The following ATG14 variants were observed in gnomAD, a reference collection of about 807,000 sequenced individuals.
ATG14 encodes the protein autophagy related 14.
A neutral mutation model predicts 60.4 loss-of-function variants in ATG14; 35 were observed. That is an observed-to-expected ratio of 0.58 (90% confidence interval 0.44 to 0.77). The LOEUF (loss-of-function observed/expected upper bound fraction) is 0.77. Ranked by LOEUF, ATG14 falls within the 30% of genes least tolerant of loss-of-function variation. ATG14 has a pLI of 0.00. For missense variants in ATG14, 647 were observed against 626.3 expected (o/e 1.03, Z -0.35); for synonymous variants, 234 against 228.8 (o/e 1.02, Z -0.21).
chr14:55,385,702 C>T (rs980739100), intron 5 of ATG14, among the ~76,000 whole-genome samples, 157 bp downstream of exon 5: 14 of 152,330 alleles, frequency 9.2e-5, no homozygotes, highest in South Asian at 4.1e-4. Flanking sequence ...CAGCTTTCTG[C>T]GGTGCGTACT....
intron 9 of ATG14, among the ~76,000 whole-genome samples, chr14:55,371,616 A>G (rs1286545553): frequency 6.6e-6 from 1 of 152,030 alleles, no homozygotes; most frequent in Non-Finnish European, 1.5e-5. Context: ...ACCATTGGCT[A>G]ACACAGTGAA....
At chr14:55,405,553 G>A (rs964248374) in intron 1 of ATG14, among the ~76,000 whole-genome samples, 1 of 152,136 alleles carries the variant, frequency 6.6e-6, no homozygotes, top group African/African-American at 2.4e-5. Context: ...ATTTCCCCAG[G>A]TATCCTTAGA....
Position 55,399,618 on chromosome 14 carries a change from T to C in ATG14, c.222-2184A>G, listed in dbSNP as rs959452362. ...GAATTCTTGGACCTATCACTTGTTATATGCTTCTGTTTCCTTGTATCAAAA... is the reference window on the plus strand; with the variant it reads ...GAATTCTTGGACCTATCACTTGTTACATGCTTCTGTTTCCTTGTATCAAAA... On this transcript the variant is annotated intron_variant, in intron 1 of 9. Coordinates refer to ENST00000247178, the MANE Select transcript of ATG14 (RefSeq NM_014924.5). Among the ~76,000 whole-genome samples, 4 of 152,254 alleles carry C rather than the reference T, an allele frequency of 2.6e-5. No individual in the cohort carries two copies. In the East Asian group the frequency reaches 5.8e-4, roughly 22 times the overall value.
In ATG14 at chr14:55,369,141, A is replaced by G. The variant is rs1884751959; in HGVS notation, c.*478T>C. On this transcript the variant is annotated 3_prime_UTR_variant, in exon 10 of 10. Coordinates refer to ENST00000247178, the MANE Select transcript of ATG14 (RefSeq NM_014924.5). ...GCCTGCTGGTTCTCATACAAAAAACAATGGCAGAAAAACTCTTATTAAAGA... is the reference window on the plus strand; with the variant it reads ...GCCTGCTGGTTCTCATACAAAAAACGATGGCAGAAAAACTCTTATTAAAGA... 1 of 152,792 alleles carries G rather than the reference A, an allele frequency of 6.5e-6. No homozygotes were observed. Among genetic ancestry groups the G allele is most frequent in the Non-Finnish European group, 1.5e-5 (1 of 68,138 alleles). The allele number at this position is 152,792 out of a possible 1,614,324, so 9.5% of individuals were successfully genotyped here. A position where few individuals can be genotyped will look rare whatever the true frequency, so the allele number is the denominator to read the frequency against.
chr14:55,411,566 G>A, intron 1 of ATG14, 36 bp downstream of exon 1: 3 of 1,570,864 alleles, frequency 1.9e-6, no homozygotes, highest in Non-Finnish European at 2.6e-6. Context: ...AGGACACACA[G>A]CAGAAGAAAC....
intron 7 of ATG14, among the ~76,000 whole-genome samples, chr14:55,378,416 C>CA (rs554566708): frequency 2.3e-4 from 35 of 152,212 alleles, no homozygotes; most frequent in Non-Finnish European, 4.6e-4. Context: ...TACAGAAAGG[C>CA]AAACTATACA....
intron 1 of ATG14, among the ~76,000 whole-genome samples, chr14:55,401,751 C>T (rs1318936674): frequency 6.6e-6 from 1 of 152,124 alleles, no homozygotes; most frequent in East Asian, 1.9e-4. Context: ...TCGCACACAG[C>T]CCCAGTGGCA....
At chr14:55,407,486 C>A in intron 1 of ATG14, among the ~76,000 whole-genome samples, 1 of 152,162 alleles carries the variant, frequency 6.6e-6, no homozygotes. Flanking sequence ...GCTAATCTCG[C>A]TCTCCTGGCC....
At chr14:55,388,282 T>C (rs1800667018) in intron 4 of ATG14, among the ~76,000 whole-genome samples, 1 of 152,222 alleles carries the variant, frequency 6.6e-6, no homozygotes, top group South Asian at 2.1e-4. Flanking sequence ...TATCCAGCCA[T>C]GATTCTGAGT....
chr14:55,403,519 A>C (rs114865715), intron 1 of ATG14, among the ~76,000 whole-genome samples: 2,100 of 152,308 alleles, frequency 0.014, 57 homozygotes, highest in African/African-American at 0.048. Context: ...AAACAGAAAA[A>C]TAAAAGGGAT....
In ATG14 at chr14:55,393,858, A is replaced by G. The variant is rs138641670; in HGVS notation, c.327+2082T>C. Among the ~76,000 whole-genome samples, 776 of 151,994 alleles carry G rather than the reference A, an allele frequency of 5.1e-3. 6 individuals are homozygous for G. The highest frequency in any genetic ancestry group is 0.018 in the African/African-American group (725 of 41,418). On this transcript the variant is annotated intron_variant, in intron 3 of 9. Coordinates refer to ENST00000247178, the MANE Select transcript of ATG14 (RefSeq NM_014924.5). ...CACCACCACACCCAGCGCAGATTTT[A>G]TAAGAGTATATTTATATTTAAAATA... is the stretch of plus-strand genomic sequence containing the variant.
At chr14:55,407,479 A>C (rs77093821) in intron 1 of ATG14, among the ~76,000 whole-genome samples, 2,022 of 152,232 alleles carry the variant, frequency 0.013, 58 homozygotes, top group African/African-American at 0.046. Context: ...TGGCCAGGCT[A>C]ATCTCGCTCT....
intron 1 of ATG14, among the ~76,000 whole-genome samples, chr14:55,408,316 G>A (rs78811976): frequency 0.057 from 8,647 of 152,196 alleles, 322 homozygotes; most frequent in South Asian, 0.083. Flanking sequence ...CTAGTTAGGC[G>A]TGTTGATGTG....
intron 3 of ATG14, among the ~76,000 whole-genome samples, chr14:55,394,627 C>A (rs967591397): frequency 2.0e-5 from 3 of 152,162 alleles, no homozygotes; most frequent in African/African-American, 4.8e-5. Context: ...GAAAACAGGA[C>A]TACCACGACC....
Position 55,397,406 on chromosome 14 carries a change from G to A in ATG14, c.250C>T (p.Arg84Ter), listed in dbSNP as rs1885330711. ...RFIDKKERLS[R>*]LKSKQEEFQK... Reference sequence around the variant, plus strand: ...AATTCTTCTTGCTTGCTCTTAAGTCGGCTTAACCTTTCCTTCTTGTCGATA... The same window carrying A: ...AATTCTTCTTGCTTGCTCTTAAGTCAGCTTAACCTTTCCTTCTTGTCGATA... Residue 84 changes from arginine (R) to a stop codon, truncating the protein, a stop_gained, in exon 2 of 10, where the codon CGA becomes TGA. Coordinates refer to ENST00000247178, the MANE Select transcript of ATG14 (RefSeq NM_014924.5). LOFTEE classifies it high-confidence loss of function. 2 of 1,613,474 alleles carry A rather than the reference G, an allele frequency of 1.2e-6. No homozygotes were observed. Among genetic ancestry groups the A allele is most frequent in the Non-Finnish European group, 1.7e-6 (2 of 1,179,640 alleles).
At chr14:55,380,892 T>G (rs1191655309) in intron 6 of ATG14, among the ~76,000 whole-genome samples, 30 of 138,880 alleles carry the variant, frequency 2.2e-4, no homozygotes, top group African/African-American at 8.2e-4. Context: ...TTTTTTTTTT[T>G]GCTGAGAGCA....
At chr14:55,407,196 T>C (rs556970627) in intron 1 of ATG14, among the ~76,000 whole-genome samples, 94 of 152,312 alleles carry the variant, frequency 6.2e-4, no homozygotes, top group South Asian at 1.4e-3. Context: ...TGGTGTGATC[T>C]TGGCTCACTG....
chr14:55,378,332 C>A (rs999704174), intron 7 of ATG14, among the ~76,000 whole-genome samples: 5 of 152,194 alleles, frequency 3.3e-5, no homozygotes, highest in African/African-American at 7.2e-5. Context: ...AATATCTGCA[C>A]ACTAATGAAA....
In ATG14 at chr14:55,385,968, T is replaced by C; in HGVS notation, c.538A>G (p.Thr180Ala). ...TCATAATGACTTCTTAAGTCAATGGTCTTTTTTTCTACCAGGTCACCAAGT... is the reference window on the plus strand; with the variant it reads ...TCATAATGACTTCTTAAGTCAATGGCCTTTTTTTCTACCAGGTCACCAAGT... ...RKLGDLVEKK[T>A]IDLRSHYERL... The change falls in exon 5 of 10, where the codon ACC becomes GCC. Residue 180 changes from threonine to alanine, a missense_variant. Transcript: ENST00000247178. 3 of 1,614,166 alleles carry C rather than the reference T, an allele frequency of 1.9e-6. No homozygotes were observed. Among genetic ancestry groups the C allele is most frequent in the East Asian group, 2.2e-5 (1 of 44,880 alleles).
Sources: allele counts gnomAD v4.1 joint callset (sites outside exome capture counted in the v4.1 genomes callset), GRCh38; gene constraint gnomAD v4.1.1; transcripts MANE v1.5; gene names NCBI Gene and HGNC (gene_info 2026-07-23, HGNC 2026-07-21).